The following GORASP2 variants were observed in gnomAD, a reference collection of about 807,000 sequenced individuals.
GORASP2 encodes golgi reassembly stacking protein 2, also known as Golgi reassembly-stacking protein 2.
GORASP2 carries 22 observed loss-of-function variants against 45.7 expected under a neutral mutation model. That is an observed-to-expected ratio of 0.48 (90% CI 0.34 to 0.69). The LOEUF (loss-of-function observed/expected upper bound fraction) is 0.69, where lower values mean the gene tolerates loss of function less well. GORASP2 is among the 30% of genes least tolerant of loss of function. The pLI is 0.01. For missense variants in GORASP2, 491 were observed against 562.7 expected (o/e 0.87, Z 1.29); for synonymous variants, 221 against 215.6 (o/e 1.02, Z -0.22).
intron 1 of GORASP2, among the ~76,000 whole-genome samples, chr2:170,940,827 T>G (rs530307122): frequency 3.3e-5 from 5 of 152,300 alleles, no homozygotes; most frequent in Admixed American, 1.3e-4. Context: ...TGACAGATTT[T>G]CTATTGTGAT....
intron 1 of GORASP2, among the ~76,000 whole-genome samples, chr2:170,947,566 G>A (rs1170277543): frequency 6.6e-6 from 1 of 152,158 alleles, no homozygotes; most frequent in Admixed American, 6.5e-5. Flanking sequence ...AGAGGGCTGT[G>A]TATCCATTGC....
intron 1 of GORASP2, among the ~76,000 whole-genome samples, chr2:170,934,628 G>C (rs1388164421): frequency 2.0e-5 from 3 of 152,064 alleles, no homozygotes; most frequent in Admixed American, 2.0e-4. Flanking sequence ...TGGGTAAAAA[G>C]AAAACAGTAG....
At chr2:170,963,413 T>G (rs1704612188) in intron 9 of GORASP2, among the ~76,000 whole-genome samples, 1 of 141,562 alleles carries the variant, frequency 7.1e-6, no homozygotes, top group East Asian at 2.2e-4. Context: ...AAGAAGAATG[T>G]CTCTCAGTCC....
chr2:170,948,484 G>T lies in GORASP2; in HGVS notation c.144+54G>T, dbSNP rs559110380. 2.3e-5 allele frequency: 23 copies of T among 988,022 alleles called. No homozygotes were observed. In the South Asian group the frequency reaches 2.9e-4, roughly 13 times the overall value. 61.2% of individuals were successfully genotyped at this position (988,022 alleles called of 1,614,324 possible). A position where few individuals can be genotyped will look rare whatever the true frequency, so the allele number is the denominator to read the frequency against. The stretch of plus-strand genomic sequence containing the variant: ...ATAGTATTTGTAATCTCTCAAAAAT[G>T]GAATTTTTCAGATGACCTGAGATGG... On this transcript the variant is annotated intron_variant, in intron 2 of 9. Transcript: ENST00000234160.
chr2:170,957,998 A>G (rs1009606484), intron 7 of GORASP2, among the ~76,000 whole-genome samples: 5 of 152,114 alleles, frequency 3.3e-5, no homozygotes, highest in Admixed American at 6.5e-5. Context: ...TTAAATATTT[A>G]TATTCACAAT....
At chr2:170,956,975 T>A (rs778099423) in intron 7 of GORASP2, among the ~76,000 whole-genome samples, 1 of 152,356 alleles carries the variant, frequency 6.6e-6, no homozygotes, top group Non-Finnish European at 1.5e-5. Context: ...AATGCCAGTG[T>A]ACCTTGAAAA....
Position 170,966,561 on chromosome 2 carries a change from C to T in GORASP2, c.*431C>T, listed in dbSNP as rs566403339. 7.7e-4 allele frequency: 158 copies of T among 204,108 alleles called. 1 individual carries two copies. The South Asian group carries it at 0.013, about 16-fold the overall frequency. The allele number at this position is 204,108 out of a possible 1,614,324, so 12.6% of individuals were successfully genotyped here. A position where few individuals can be genotyped will look rare whatever the true frequency, so the allele number is the denominator to read the frequency against. On this transcript the variant is annotated 3_prime_UTR_variant, in exon 10 of 10. Coordinates refer to ENST00000234160, the MANE Select transcript of GORASP2 (RefSeq NM_015530.5). ...TCGTTTGCGAGAATGCAGACCACCT[C>T]ACTAAACTGTAAACGGTAAAGAGAT...
chr2:170,948,519 A>T, intron 2 of GORASP2, 89 bp downstream of exon 2: 1 of 693,848 alleles, frequency 1.4e-6, no homozygotes. Context: ...GGTATTTATT[A>T]GTTACAATCA....
chr2:170,935,252 A>G (rs1398349437), intron 1 of GORASP2, among the ~76,000 whole-genome samples: 2 of 151,830 alleles, frequency 1.3e-5, no homozygotes, highest in Non-Finnish European at 2.9e-5. Flanking sequence ...CATGTTGATT[A>G]TATACACTTT....
chr2:170,948,266 C>A (rs1292272995), intron 1 of GORASP2, 84 bp from the exon 2 acceptor site: 1 of 779,928 alleles, frequency 1.3e-6, no homozygotes, highest in Admixed American at 2.1e-5. Flanking sequence ...TGAAATTGGT[C>A]TATTTTTACT....
intron 1 of GORASP2, chr2:170,929,773 T>A (rs1408094195): frequency 2.0e-6 from 1 of 491,762 alleles, no homozygotes; most frequent in Admixed American, 2.3e-5. Context: ...GGAGGCAACG[T>A]CTCCAAAGTG....
chr2:170,959,210 C>T (rs919084137), intron 7 of GORASP2, among the ~76,000 whole-genome samples: 3 of 152,214 alleles, frequency 2.0e-5, no homozygotes, highest in African/African-American at 7.2e-5. Flanking sequence ...GATTCACCCG[C>T]CTCAGCCTCC....
chr2:170,948,324 T>A (rs1217859984), intron 1 of GORASP2, 26 bp from the exon 2 acceptor site: 1 of 1,380,844 alleles, frequency 7.2e-7, no homozygotes, highest in East Asian at 2.3e-5. Flanking sequence ...TTACATTTTT[T>A]ATTTTTGTCG....
chr2:170,948,370 A>C lies in GORASP2; in HGVS notation c.84A>C (p.Gly28=). The C allele has an allele frequency of 2.5e-6, 4 of 1,601,172 alleles. No homozygotes were observed. In the South Asian group the frequency reaches 4.4e-5, roughly 18 times the overall value. Residue 28 remains glycine, a synonymous_variant, in exon 2 of 10, where the codon GGA becomes GGC. Transcript: ENST00000234160. The part of the protein sequence containing the change: ...HVLRVQENSP[G]HRAGLEPFFD... ...CGCAGGTACAAGAAAATTCCCCAGG[A>C]CACAGAGCTGGTTTGGAGCCTTTCT...
At chr2:170,937,364 A>G (rs1703981055) in intron 1 of GORASP2, among the ~76,000 whole-genome samples, 1 of 152,090 alleles carries the variant, frequency 6.6e-6, no homozygotes, top group African/African-American at 2.4e-5. Context: ...GCGTACCACC[A>G]CAGCTGGCTG....
chr2:170,953,729 G>A (rs1704357475), intron 5 of GORASP2: 1 of 152,202 alleles, frequency 6.6e-6, no homozygotes, highest in South Asian at 2.1e-4. Flanking sequence ...TATAATCAAG[G>A]AAACAGCTGA....
Position 170,954,696 on chromosome 2 carries a change from C to T in GORASP2, c.613C>T (p.Arg205Cys), listed in dbSNP as rs373385247. 30 of 1,612,656 alleles carry T rather than the reference C, an allele frequency of 1.9e-5. No homozygotes were observed. The highest frequency in any genetic ancestry group is 2.4e-5 in the Non-Finnish European group (28 of 1,178,852). ...TGGTTATTTGCATCGAATACCTACA[C>T]GCCCATTTGAGGAAGGAAAGAAAAT... is the stretch of plus-strand genomic sequence containing the variant. ...GYGYLHRIPT[R>C]PFEEGKKISL... Residue 205 changes from arginine to cysteine, a missense_variant, in exon 6 of 10, where the codon CGC becomes TGC. Physicochemically the swap from Arg to Cys is radical, Grantham distance 180 (BLOSUM62 -3). Coordinates refer to ENST00000234160, the MANE Select transcript of GORASP2 (RefSeq NM_015530.5).
intron 7 of GORASP2, among the ~76,000 whole-genome samples, chr2:170,956,956 T>C (rs938353481): frequency 6.6e-6 from 1 of 152,170 alleles, no homozygotes; most frequent in Non-Finnish European, 1.5e-5. Context: ...AAAAAGAATT[T>C]AAAAAATTAA....
intron 1 of GORASP2, among the ~76,000 whole-genome samples, chr2:170,941,925 G>A (rs1002725317): frequency 5.3e-5 from 8 of 152,140 alleles, no homozygotes; most frequent in Non-Finnish European, 8.8e-5. Context: ...AATATTAATA[G>A]ATATTGCCAA....
Sources: gnomAD v4.1 joint callset for allele counts (sites outside exome capture counted in the v4.1 genomes callset) on GRCh38, gnomAD v4.1.1 for gene constraint, MANE v1.5 for transcripts, NCBI Gene and HGNC (gene_info 2026-07-23, HGNC 2026-07-21) for gene names.